The following MYO3A variants were observed in gnomAD, a reference collection of about 807,000 sequenced individuals.
MYO3A encodes myosin-IIIa.
MYO3A carries 180 observed loss-of-function variants against 192.7 expected under a neutral mutation model. The ratio of observed to expected loss-of-function variants is 0.93; its 90% CI spans 0.83 to 1.06. The LOEUF is 1.06. Among genes scored for constraint, MYO3A ranks in the 50% least tolerant of loss-of-function variants. MYO3A has a pLI of 0.00. For missense variants in MYO3A, 1,896 were observed against 1,905.0 expected (o/e 1.00, Z 0.09); for synonymous variants, 628 against 645.3 (o/e 0.97, Z 0.41).
At position 26,173,847 on chromosome 10, in the gene MYO3A, G is replaced by C; in HGVS notation, c.3583G>C (p.Val1195Leu). 1 of 1,614,026 alleles carries C rather than the reference G, an allele frequency of 6.2e-7. No homozygotes were observed. The highest frequency in any genetic ancestry group is 1.3e-5 in the African/African-American group (1 of 75,036). Reference sequence around the variant, plus strand: ...TCAGACTCCAAAAAAAATGAATAATGTGTATGAGGAAGAGGTTAAGCAAGA... The same window carrying C: ...TCAGACTCCAAAAAAAATGAATAATCTGTATGAGGAAGAGGTTAAGCAAGA... ...VYQTPKKMNN[V>L]YEEEVKQEFY... The change falls in exon 30 of 35, where the codon GTG becomes CTG. Residue 1195 changes from valine to leucine, a missense_variant. Transcript: ENST00000642920.
At chr10:25,952,028 T>G in intron 2 of MYO3A, 66 bp from the exon 3 acceptor site, 1 of 1,208,754 alleles carries the variant, frequency 8.3e-7, no homozygotes, top group Non-Finnish European at 1.2e-6. Context: ...TAATTTCCCA[T>G]GGGTTTGTGT....
At chr10:25,991,157 C>T (rs1280936452) in intron 4 of MYO3A, among the ~76,000 whole-genome samples, 3 of 152,240 alleles carry the variant, frequency 2.0e-5, no homozygotes, top group Non-Finnish European at 2.9e-5. Flanking sequence ...TATTTCTCCA[C>T]ATCCTCTCCA....
rs1421248365 is a variant in MYO3A, at chr10:26,174,137, A to G, written c.3873A>G (p.Gln1291=). Residue 1291 remains glutamine, a synonymous_variant, in exon 30 of 35, where the codon CAA becomes CAG. Coordinates refer to ENST00000642920, the MANE Select transcript of MYO3A (RefSeq NM_017433.5). ...FKKTLEPTLS[Q]RSIYQNANSM... ...AAACTTTGGAACCTACACTTAGCCA[A>G]AGGTCAATTTATCAAAATGCAAACA... is the stretch of plus-strand genomic sequence containing the variant. 3.1e-6 allele frequency: 5 copies of G among 1,614,082 alleles called. No individual in the cohort carries two copies. The African/African-American group carries it at 5.3e-5, about 17-fold the overall frequency.
chr10:26,173,617 G>C, intron 29 of MYO3A, 46 bp from the exon 30 acceptor site: 2 of 1,544,320 alleles, frequency 1.3e-6, no homozygotes, highest in Non-Finnish European at 1.8e-6. Context: ...GAAGTAATAA[G>C]CTCCAGTTTA....
At chr10:26,013,460 A>G (rs1588776162) in intron 6 of MYO3A, among the ~76,000 whole-genome samples, 1 of 152,076 alleles carries the variant, frequency 6.6e-6, no homozygotes, top group Non-Finnish European at 1.5e-5. Flanking sequence ...GGCAAAGGAC[A>G]TGAATAGACA....
intron 10 of MYO3A, among the ~76,000 whole-genome samples, chr10:26,047,955 G>A (rs553278492): frequency 1.3e-5 from 2 of 152,126 alleles, no homozygotes; most frequent in Admixed American, 1.3e-4. Context: ...TTCCCTGGGT[G>A]CCTTCACATT....
chr10:26,165,761 A>C (rs571868186), intron 26 of MYO3A: 24 of 418,006 alleles, frequency 5.7e-5, no homozygotes, highest in Admixed American at 4.0e-4. Context: ...GTAGCGAAAA[A>C]ACAAAAACAA....
At chr10:25,945,801 T>C (rs1204819966) in intron 2 of MYO3A, among the ~76,000 whole-genome samples, 4 of 152,172 alleles carry the variant, frequency 2.6e-5, no homozygotes, top group East Asian at 3.9e-4. Context: ...TTCGATGTTA[T>C]AACGTTTTTG....
chr10:26,174,079 C>T lies in MYO3A; in HGVS notation c.3815C>T (p.Pro1272Leu). 3 of 1,614,186 alleles carry T rather than the reference C, an allele frequency of 1.9e-6. No homozygotes were observed. In the African/African-American group the frequency reaches 4.0e-5, roughly 22 times the overall value. ...TCAGAAAGGCCAAGCTACCCAGTGC[C>T]TTGGTTAGCTGAAAATGAGACTTCC... The part of the protein sequence containing the change: ...AISERPSYPV[P>L]WLAENETSFK... The change falls in exon 30 of 35, where the codon CCT (proline) becomes CTT (leucine). Residue 1272 changes from proline to leucine, a missense_variant. Transcript: ENST00000642920.
intron 1 of MYO3A, among the ~76,000 whole-genome samples, chr10:25,935,008 C>T (rs1330280244): frequency 2.0e-5 from 3 of 152,086 alleles, no homozygotes; most frequent in Non-Finnish European, 4.4e-5. Context: ...CGGGTGTCGC[C>T]TCGGAGACCT....
At chr10:25,958,283 G>T (rs1471728645) in intron 4 of MYO3A, among the ~76,000 whole-genome samples, 1 of 152,120 alleles carries the variant, frequency 6.6e-6, no homozygotes, top group East Asian at 1.9e-4. Context: ...TGTAAGGAAG[G>T]GATTCAGTTT....
At position 26,124,009 on chromosome 10, in the gene MYO3A, C is replaced by T. The variant is rs117018007; in HGVS notation, c.1904-1389C>T. ...GGCCAGCCTGGGCAACATGGCGAAACACTATCTCTACCAAATAATAATAAT... is the reference window on the plus strand; with the variant it reads ...GGCCAGCCTGGGCAACATGGCGAAATACTATCTCTACCAAATAATAATAAT... On this transcript the variant is annotated intron_variant, in intron 18 of 34. Transcript: ENST00000642920. Among the ~76,000 whole-genome samples, 785 of 151,010 alleles carry T rather than the reference C, an allele frequency of 5.2e-3. 4 individuals are homozygous for T. Among genetic ancestry groups the T allele is most frequent in the Middle Eastern group, 0.024 (7 of 294 alleles).
intron 4 of MYO3A, among the ~76,000 whole-genome samples, chr10:25,995,902 A>G (rs1415287853): frequency 5.3e-5 from 8 of 152,352 alleles, no homozygotes; most frequent in Admixed American, 5.2e-4. Flanking sequence ...GTGAGGTGTC[A>G]GTCTGCCCCT....
chr10:26,005,215 A>T (rs1386114479), intron 6 of MYO3A, among the ~76,000 whole-genome samples: 8 of 152,184 alleles, frequency 5.3e-5, no homozygotes, highest in Admixed American at 5.2e-4. Context: ...AGACCTCAGC[A>T]TCACTTCTGT....
At chr10:26,034,722 C>A (rs1331780843) in intron 10 of MYO3A, among the ~76,000 whole-genome samples, 1 of 151,842 alleles carries the variant, frequency 6.6e-6, no homozygotes, top group South Asian at 2.1e-4. Flanking sequence ...ATAATACTAA[C>A]AAAGGCTGAT....
Position 26,125,374 on chromosome 10 carries a change from A to ACAATG in MYO3A, c.1904-21_1904-17dup, listed in dbSNP as rs538741318. 320 of 1,611,188 alleles carry ACAATG rather than the reference A, an allele frequency of 2.0e-4. 1 individual carries two copies. The South Asian group carries it at 3.3e-3, about 17-fold the overall frequency. On this transcript the variant is annotated intron_variant, in intron 18 of 34. Transcript: ENST00000642920. Reference sequence around the variant, plus strand: ...GACCTCATTGCCATAATTTCTTCTAACAATGCATCTGTTTGTTTTTCAGGT... The same window carrying ACAATG: ...GACCTCATTGCCATAATTTCTTCTAACAATGCAATGCATCTGTTTGTTTTTCAGGT...
chr10:26,021,428 CT>C, intron 7 of MYO3A, 74 bp from the exon 8 acceptor site: 1 of 1,537,490 alleles, frequency 6.5e-7, no homozygotes, highest in South Asian at 1.1e-5. Flanking sequence ...ATACTTAATG[CT>C]TTGTTCTAAG....
chr10:26,163,108 G>A (rs1841560676), intron 26 of MYO3A, among the ~76,000 whole-genome samples: 1 of 152,206 alleles, frequency 6.6e-6, no homozygotes, highest in African/African-American at 2.4e-5. Context: ...GCAAAGAGGA[G>A]GCTGGAAAGG....
intron 15 of MYO3A, among the ~76,000 whole-genome samples, chr10:26,090,108 C>G (rs1428304141): frequency 6.6e-6 from 1 of 152,194 alleles, no homozygotes; most frequent in Non-Finnish European, 1.5e-5. Context: ...TTCTCAAAAC[C>G]ATTTGTTCTG....
Sources: allele counts gnomAD v4.1 joint callset (sites outside exome capture counted in the v4.1 genomes callset), GRCh38; gene constraint gnomAD v4.1.1; transcripts MANE v1.5; gene names NCBI Gene and HGNC (gene_info 2026-07-23, HGNC 2026-07-21).